ZBTB16: variants seen among roughly 807,000 people sequenced by gnomAD.
The protein encoded by ZBTB16 is zinc finger and BTB domain-containing protein 16.
Under a neutral mutation model 56.8 loss-of-function variants are expected in ZBTB16, and 8 were observed. That is an observed-to-expected ratio of 0.14 (90% CI 0.08 to 0.25). The LOEUF (loss-of-function observed/expected upper bound fraction) is 0.25, where lower values mean the gene tolerates loss of function less well. ZBTB16 is among the 10% of genes least tolerant of loss of function. The pLI, the probability that ZBTB16 is intolerant of heterozygous loss-of-function variation, is 1.00. For missense variants in ZBTB16, 625 were observed against 903.0 expected (o/e 0.69, Z 3.95); for synonymous variants, 363 against 368.5 (o/e 0.98, Z 0.17).
Position 114,063,851 on chromosome 11 carries a change from G to A in ZBTB16, c.551G>A (p.Ser184Asn), listed in dbSNP as rs1192504595. 13 of 1,614,038 alleles carry A rather than the reference G, an allele frequency of 8.1e-6. No individual in the cohort carries two copies. Among genetic ancestry groups the A allele is most frequent in the African/African-American group, 5.3e-5 (4 of 74,948 alleles). The change falls in exon 2 of 7, where the codon AGC becomes AAC. Residue 184 changes from serine to asparagine, a missense_variant. Coordinates refer to ENST00000335953, the MANE Select transcript of ZBTB16 (RefSeq NM_006006.6). The surrounding 1 kb of genome is among the most constrained non-coding windows in gnomAD (Gnocchi z 6.5). ...CTCCCTGGGCCCATGGTGGACCAGA[G>A]CCCTTCAGTCTCCACTTCATTTGGT... ...QSLPGPMVDQ[S>N]PSVSTSFGLS... is the part of the protein sequence containing the mutation.
At chr11:114,132,268 G>T (rs1941684127) in intron 2 of ZBTB16, among the ~76,000 whole-genome samples, 1 of 152,144 alleles carries the variant, frequency 6.6e-6, no homozygotes. Flanking sequence ...ATTTATTTGT[G>T]CAGGTTACCT....
rs1944953966 is a variant in ZBTB16, at chr11:114,253,670, A to T, written c.*3115A>T. 6.6e-6 allele frequency among the ~76,000 whole-genome samples: 1 copy of T among 152,142 alleles called. No homozygotes were observed. Among genetic ancestry groups the T allele is most frequent in the South Asian group, 2.1e-4 (1 of 4,836 alleles). On this transcript the variant is annotated 3_prime_UTR_variant, in exon 7 of 7. Transcript: ENST00000335953. Reference sequence around the variant, plus strand: ...ACTGTCTGGGGACACCTCTGAACTTACTGTACCTTCCTCTCCCCATGAAGA... The same window carrying T: ...ACTGTCTGGGGACACCTCTGAACTTTCTGTACCTTCCTCTCCCCATGAAGA...
chr11:114,148,297 C>T (rs1942161944), intron 2 of ZBTB16, among the ~76,000 whole-genome samples: 1 of 151,630 alleles, frequency 6.6e-6, no homozygotes, highest in African/African-American at 2.4e-5. Context: ...TGGCCTTCAT[C>T]CAGGCCAAGG....
At chr11:114,240,144 T>C (rs1013266778) in intron 4 of ZBTB16, among the ~76,000 whole-genome samples, 3 of 152,124 alleles carry the variant, frequency 2.0e-5, no homozygotes, top group Non-Finnish European at 4.4e-5. Context: ...GCTGGTGAGA[T>C]GGGGCGTGGC....
chr11:114,122,088 G>A (rs1468931519), intron 2 of ZBTB16, among the ~76,000 whole-genome samples: 1 of 152,218 alleles, frequency 6.6e-6, no homozygotes, highest in African/African-American at 2.4e-5. Flanking sequence ...TGCCTGGTAT[G>A]GTTGGCAGAG....
In ZBTB16 at chr11:114,079,337, C is replaced by T. The variant is rs564984009; in HGVS notation, c.1268+14769C>T. 2.0e-5 allele frequency among the ~76,000 whole-genome samples: 3 copies of T among 152,212 alleles called. No homozygotes were observed. The South Asian group carries it at 6.2e-4, about 32-fold the overall frequency. On this transcript the variant is annotated intron_variant, in intron 2 of 6. Transcript: ENST00000335953. ...TGATTGCGCTGTAGCCCTGTTATGG[C>T]CCGGGGAGAAACTATGAAAGGAACC... is the stretch of plus-strand genomic sequence containing the variant.
Position 114,144,359 on chromosome 11 carries a change from T to A in ZBTB16, c.1269-11978T>A, listed in dbSNP as rs1273116034. On this transcript the variant is annotated intron_variant, in intron 2 of 6. Coordinates refer to ENST00000335953, the MANE Select transcript of ZBTB16 (RefSeq NM_006006.6). ...CACACCACACAGCCTTGACTGGCCA[T>A]TGCTGGAATTACTGTCTCTTTGAAG... Among the ~76,000 whole-genome samples the A allele has an allele frequency of 2.0e-5, 3 of 152,316 alleles. No individual in the cohort carries two copies. In the East Asian group the frequency reaches 5.8e-4, roughly 29 times the overall value.
At chr11:114,214,556 TTAAAGTCTCAG>T in intron 4 of ZBTB16, among the ~76,000 whole-genome samples, 1 of 152,292 alleles carries the variant, frequency 6.6e-6, no homozygotes, top group African/African-American at 2.4e-5. Context: ...GCTGGAGGAT[TTAAAGTCTCAG>T]GGTGGTTGGT....
chr11:114,078,580 G>A (rs1383645763), intron 2 of ZBTB16, among the ~76,000 whole-genome samples: 3 of 152,038 alleles, frequency 2.0e-5, no homozygotes, highest in Non-Finnish European at 4.4e-5. Flanking sequence ...TTTGCGGATC[G>A]CAGAGGGTGC....
chr11:114,167,325 C>T (rs1200101406), intron 3 of ZBTB16, among the ~76,000 whole-genome samples: 1 of 129,482 alleles, frequency 7.7e-6, no homozygotes, highest in Admixed American at 8.7e-5. Flanking sequence ...CTCTCTCTCT[C>T]TCTCTGAGGG....
At chr11:114,180,402 G>C (rs181653452) in intron 3 of ZBTB16, among the ~76,000 whole-genome samples, 21 of 152,338 alleles carry the variant, frequency 1.4e-4, no homozygotes, top group Non-Finnish European at 2.5e-4. Flanking sequence ...CACTGCCTGG[G>C]GGGCAGGAGG....
chr11:114,121,596 T>C (rs1941349224), intron 2 of ZBTB16, among the ~76,000 whole-genome samples: 1 of 152,136 alleles, frequency 6.6e-6, no homozygotes, highest in South Asian at 2.1e-4. Context: ...AGTAATCCCA[T>C]GACATAGGGA....
Position 114,197,371 on chromosome 11 carries a change from C to G in ZBTB16, c.1453+10333C>G, listed in dbSNP as rs535337746. Among the ~76,000 whole-genome samples, 4 of 152,186 alleles carry G rather than the reference C, an allele frequency of 2.6e-5. No homozygotes were observed. The East Asian group carries it at 7.8e-4, about 30-fold the overall frequency. On this transcript the variant is annotated intron_variant, in intron 4 of 6. Transcript: ENST00000335953. ...GAGTGGGCATTGGAGGGAACCCCACCCAAAGGGTCCTCTTCGTTTCAGTGT... is the reference window on the plus strand; with the variant it reads ...GAGTGGGCATTGGAGGGAACCCCACGCAAAGGGTCCTCTTCGTTTCAGTGT...
At chr11:114,175,714 G>A (rs1015404876) in intron 3 of ZBTB16, among the ~76,000 whole-genome samples, 3 of 152,148 alleles carry the variant, frequency 2.0e-5, no homozygotes, top group Non-Finnish European at 4.4e-5. Flanking sequence ...GAGAGAGGCA[G>A]GGACCAGCCT....
intron 2 of ZBTB16, among the ~76,000 whole-genome samples, chr11:114,097,749 C>A (rs1256135912): frequency 3.3e-5 from 5 of 152,086 alleles, no homozygotes; most frequent in African/African-American, 4.8e-5. Flanking sequence ...TCATGTGATT[C>A]TAGAAAAATC....
At chr11:114,167,902 C>T (rs1014448591) in intron 3 of ZBTB16, among the ~76,000 whole-genome samples, 2 of 152,188 alleles carry the variant, frequency 1.3e-5, no homozygotes, top group East Asian at 1.9e-4. Flanking sequence ...GGTGCCCGAC[C>T]GGCGAGCGTT....
intron 3 of ZBTB16, among the ~76,000 whole-genome samples, chr11:114,158,509 T>C (rs555245584): frequency 1.0e-3 from 152 of 152,310 alleles, no homozygotes; most frequent in African/African-American, 3.1e-3. Context: ...CAGTCGTGCC[T>C]TTTCTGTGCC....
Position 114,143,898 on chromosome 11 carries a change from G to A in ZBTB16, c.1269-12439G>A, listed in dbSNP as rs936518532. Reference sequence around the variant, plus strand: ...GTGTGGATGTTTCCAGAGAGCCGCTGCTTGGCCTCTGTGCTCGTTGGGCCT... The same window carrying A: ...GTGTGGATGTTTCCAGAGAGCCGCTACTTGGCCTCTGTGCTCGTTGGGCCT... On this transcript the variant is annotated intron_variant, in intron 2 of 6. Transcript: ENST00000335953. The surrounding 1 kb of genome is among the most constrained non-coding windows in gnomAD (Gnocchi z 6.4). 6.6e-6 allele frequency among the ~76,000 whole-genome samples: 1 copy of A among 152,122 alleles called. No homozygotes were observed. The highest frequency in any genetic ancestry group is 1.5e-5 in the Non-Finnish European group (1 of 68,020).
intron 2 of ZBTB16, among the ~76,000 whole-genome samples, chr11:114,103,801 T>C (rs1185600101): frequency 6.6e-6 from 1 of 152,102 alleles, no homozygotes; most frequent in Non-Finnish European, 1.5e-5. Context: ...GAGCAAACAA[T>C]GTTGGGCCTT....
Sources: gnomAD v4.1 joint callset for allele counts (sites outside exome capture counted in the v4.1 genomes callset) on GRCh38, gnomAD v4.1.1 for gene constraint, Gnocchi (gnomAD v3.1) non-coding constraint, MANE v1.5 for transcripts, NCBI Gene and HGNC (gene_info 2026-07-23, HGNC 2026-07-21) for gene names.